Variants in CTNNA3 observed in about 807,000 individuals in gnomAD.
The protein encoded by CTNNA3 is catenin alpha 3, also known as catenin alpha-3.
A neutral mutation model predicts 95.7 loss-of-function variants in CTNNA3; 76 were observed. The observed-to-expected ratio is 0.79, with a 90% CI of 0.66 to 0.96. The LOEUF (loss-of-function observed/expected upper bound fraction) is 0.96, where lower values mean the gene tolerates loss of function less well. Ranked by LOEUF, CTNNA3 falls within the 40% of genes least tolerant of loss-of-function variation. The pLI is 0.00. For synonymous variants in CTNNA3, 431 were observed against 374.4 expected, an observed-to-expected ratio of 1.15 and a Z score of -1.74; for missense variants, 1,191 against 1,089.8, an observed-to-expected ratio of 1.09 and a Z score of -1.31.
At chr10:67,725,594 A>G (rs776145817) in intron 1 of CTNNA3, among the ~76,000 whole-genome samples, 11 of 152,156 alleles carry the variant, frequency 7.2e-5, no homozygotes, top group African/African-American at 2.2e-4. Flanking sequence ...TAAATCCAGA[A>G]CAAACACAGT....
At chr10:67,108,423 A>G (rs1359239725) in intron 7 of CTNNA3, among the ~76,000 whole-genome samples, 1 of 152,114 alleles carries the variant, frequency 6.6e-6, no homozygotes, top group Non-Finnish European at 1.5e-5. Context: ...TGTCTTCTAT[A>G]TATTTTATAC....
chr10:67,582,863 T>C (rs201011467), intron 3 of CTNNA3, among the ~76,000 whole-genome samples: 9 of 151,308 alleles, frequency 5.9e-5, no homozygotes, highest in South Asian at 2.1e-4. Context: ...TCTGTTTTAT[T>C]AGAGACTAGG....
intron 6 of CTNNA3, among the ~76,000 whole-genome samples, chr10:67,215,050 T>C (rs1012969008): frequency 5.3e-5 from 8 of 152,050 alleles, no homozygotes; most frequent in Admixed American, 3.9e-4. Flanking sequence ...TATAATATTT[T>C]AGAACTTGTC....
At chr10:66,393,147 A>G (rs2092947342) in intron 11 of CTNNA3, among the ~76,000 whole-genome samples, 1 of 152,152 alleles carries the variant, frequency 6.6e-6, no homozygotes, top group Admixed American at 6.6e-5. Flanking sequence ...GAAAGGCTAC[A>G]TACTGTATGA....
intron 7 of CTNNA3, among the ~76,000 whole-genome samples, chr10:66,841,884 G>T (rs1843077367): frequency 6.6e-6 from 1 of 152,046 alleles, no homozygotes; most frequent in Non-Finnish European, 1.5e-5. Flanking sequence ...GATTTATGAG[G>T]GTCAAAGGTA....
chr10:67,612,306 G>C (rs1843484199), intron 2 of CTNNA3, among the ~76,000 whole-genome samples: 1 of 152,146 alleles, frequency 6.6e-6, no homozygotes, highest in Non-Finnish European at 1.5e-5. Flanking sequence ...AACATTAAAG[G>C]CAGAATGATA....
intron 9 of CTNNA3, among the ~76,000 whole-genome samples, chr10:66,632,549 C>G (rs1189467597): frequency 1.9e-5 from 2 of 107,036 alleles, no homozygotes; most frequent in African/African-American, 3.6e-5. Context: ...GAATGAAACT[C>G]CATCTCAAAA....
At position 66,806,516 on chromosome 10, in the gene CTNNA3, G is replaced by A. The variant is rs111418463; in HGVS notation, c.1048-30992C>T. Among the ~76,000 whole-genome samples, 1,277 of 152,042 alleles carry A rather than the reference G, an allele frequency of 8.4e-3. 18 individuals carry two copies. Among genetic ancestry groups the A allele is most frequent in the African/African-American group, 0.029 (1,200 of 41,522 alleles). On this transcript the variant is annotated intron_variant, in intron 7 of 17. Transcript: ENST00000433211. ...ATTTCTCAAAATTGTGCTAAAAATTGTTTTGGCTTACTTACCAAAGTTTTA... is the reference window on the plus strand; with the variant it reads ...ATTTCTCAAAATTGTGCTAAAAATTATTTTGGCTTACTTACCAAAGTTTTA...
intron 1 of CTNNA3, among the ~76,000 whole-genome samples, chr10:67,746,238 A>G (rs1841374525): frequency 1.3e-5 from 2 of 152,208 alleles, no homozygotes; most frequent in African/African-American, 4.8e-5. Flanking sequence ...AGACCAGTGG[A>G]ACAGCATAGA....
At chr10:67,322,894 C>T (rs1841383001) in intron 5 of CTNNA3, among the ~76,000 whole-genome samples, 1 of 152,150 alleles carries the variant, frequency 6.6e-6, no homozygotes, top group Admixed American at 6.5e-5. Flanking sequence ...TATATTTGGA[C>T]TTTTTAACAA....
chr10:66,879,080 A>T (rs533829552), intron 7 of CTNNA3, among the ~76,000 whole-genome samples: 1 of 152,192 alleles, frequency 6.6e-6, no homozygotes, highest in South Asian at 2.1e-4. Context: ...AAACACATTC[A>T]AGACAGCCAA....
At chr10:67,505,842 AC>A (rs2133115790) in intron 5 of CTNNA3, among the ~76,000 whole-genome samples, 1 of 152,336 alleles carries the variant, frequency 6.6e-6, no homozygotes, top group African/African-American at 2.4e-5. Flanking sequence ...CTGTAGTGCT[AC>A]CAGGTGCTAT....
intron 1 of CTNNA3, among the ~76,000 whole-genome samples, chr10:67,731,118 T>C (rs1376734603): frequency 6.6e-6 from 1 of 151,974 alleles, no homozygotes; most frequent in Non-Finnish European, 1.5e-5. Flanking sequence ...TTTAGAAAAA[T>C]AGAAGTAAAT....
chr10:67,206,789 T>C (rs184289012), intron 6 of CTNNA3, among the ~76,000 whole-genome samples: 3 of 151,528 alleles, frequency 2.0e-5, no homozygotes, highest in Admixed American at 1.3e-4. Flanking sequence ...ACTGAACATA[T>C]TGTCTGCGAA....
chr10:66,295,328 A>G (rs1027503502), intron 12 of CTNNA3, among the ~76,000 whole-genome samples: 2 of 152,146 alleles, frequency 1.3e-5, no homozygotes, highest in Non-Finnish European at 2.9e-5. Context: ...AGAAATGCAT[A>G]ATCGTTGGCT....
intron 11 of CTNNA3, among the ~76,000 whole-genome samples, chr10:66,436,495 T>A (rs1161001768): frequency 7.1e-6 from 1 of 141,450 alleles, no homozygotes; most frequent in African/African-American, 2.6e-5. Flanking sequence ...AGGACTACAA[T>A]CCCTGCTTTT....
intron 1 of CTNNA3, among the ~76,000 whole-genome samples, chr10:67,741,519 A>G (rs1841338949): frequency 6.6e-6 from 1 of 151,026 alleles, no homozygotes; most frequent in African/African-American, 2.4e-5. Flanking sequence ...CTAAACATGG[A>G]AAGGAACAAC....
At chr10:66,893,218 G>A (rs756526243) in intron 7 of CTNNA3, among the ~76,000 whole-genome samples, 61 of 152,070 alleles carry the variant, frequency 4.0e-4, no homozygotes, top group Non-Finnish European at 6.8e-4. Flanking sequence ...AGGGAGATCT[G>A]AAAAGACATC....
chr10:67,400,109 CCCTT>C (rs1174778809), intron 5 of CTNNA3, among the ~76,000 whole-genome samples: 1 of 148,938 alleles, frequency 6.7e-6, no homozygotes, highest in East Asian at 2.0e-4. Flanking sequence ...TGTGATGTTC[CCCTT>C]CCTATGTCCA....
Sources: allele counts gnomAD v4.1 joint callset (sites outside exome capture counted in the v4.1 genomes callset), GRCh38; gene constraint gnomAD v4.1.1; transcripts MANE v1.5; gene names NCBI Gene and HGNC (gene_info 2026-07-23, HGNC 2026-07-21).